The following BRWD3 variants were observed in gnomAD, a reference collection of about 807,000 sequenced individuals.
BRWD3 encodes bromodomain and WD repeat domain containing 3.
Under a neutral mutation model 149.7 loss-of-function variants are expected in BRWD3, and 10 were observed. The ratio of observed to expected loss-of-function variants is 0.07; its 90% CI spans 0.04 to 0.11. BRWD3 has a LOEUF of 0.11. Among genes scored for constraint, BRWD3 ranks in the 10% least tolerant of loss-of-function variants. The pLI is 1.00. For missense variants in BRWD3, 940 were observed against 1,373.2 expected, an observed-to-expected ratio of 0.68 and a Z score of 4.99; for synonymous variants, 504 against 456.7, an observed-to-expected ratio of 1.10 and a Z score of -1.32.
intron 6 of BRWD3, among the ~76,000 whole-genome samples, chrX:80,784,564 T>G (rs1050877496): frequency 9.0e-6 from 1 of 110,586 alleles, no homozygotes; most frequent in African/African-American, 3.3e-5. Context: ...GAGGCCCTGG[T>G]GTGTGTTGTT....
chrX:80,777,883 C>CTAAA (rs1316627929), intron 6 of BRWD3, among the ~76,000 whole-genome samples: 2 of 111,274 alleles, frequency 1.8e-5, no homozygotes, highest in East Asian at 5.6e-4. Flanking sequence ...AATTCCTGGG[C>CTAAA]TAAATGGGTC....
chrX:80,679,520 G>A (rs749274646), intron 40 of BRWD3, among the ~76,000 whole-genome samples: 1 of 112,035 alleles, frequency 8.9e-6, no homozygotes, highest in South Asian at 3.7e-4. Context: ...CATTTGGAGA[G>A]TCATCACATC....
chrX:80,800,428 G>C (rs1400880052), intron 4 of BRWD3, among the ~76,000 whole-genome samples: 1 of 106,356 alleles, frequency 9.4e-6, no homozygotes, highest in Non-Finnish European at 1.9e-5. Flanking sequence ...TGTAGTCCCA[G>C]CTATCAGAGG....
At chrX:80,726,327 C>T (rs950791795) in intron 14 of BRWD3, among the ~76,000 whole-genome samples, 6 of 98,411 alleles carry the variant, frequency 6.1e-5, no homozygotes, top group Non-Finnish European at 1.3e-4. Context: ...TAACATATAA[C>T]ATGTTTACAT....
intron 27 of BRWD3, among the ~76,000 whole-genome samples, chrX:80,694,843 A>C (rs1267896861): frequency 9.0e-6 from 1 of 111,279 alleles, no homozygotes; most frequent in Non-Finnish European, 1.9e-5. Context: ...GCCTTGTCTC[A>C]GATGATACTT....
At chrX:80,741,627 C>G (rs1296969079) in intron 8 of BRWD3, among the ~76,000 whole-genome samples, 2 of 111,893 alleles carry the variant, frequency 1.8e-5, no homozygotes, top group Admixed American at 1.9e-4. Context: ...TGGTATCTCA[C>G]TGTGGTTTTG....
chrX:80,771,263 A>C (rs1257663673), intron 6 of BRWD3, among the ~76,000 whole-genome samples: 1 of 111,669 alleles, frequency 9.0e-6, no homozygotes, highest in Non-Finnish European at 1.9e-5. Flanking sequence ...TAAAGTTCAT[A>C]CGGAACCAAA....
At chrX:80,747,765 T>C (rs190181312) in intron 6 of BRWD3, among the ~76,000 whole-genome samples, 56 of 112,035 alleles carry the variant, frequency 5.0e-4, no homozygotes, top group Non-Finnish European at 9.8e-4. Flanking sequence ...CAATGTAGAT[T>C]GTCAAGTTCA....
At chrX:80,769,461 T>C (rs1223720069) in intron 6 of BRWD3, among the ~76,000 whole-genome samples, 1 of 111,232 alleles carries the variant, frequency 9.0e-6, no homozygotes, top group East Asian at 2.8e-4. Flanking sequence ...CAAAACTACA[T>C]GGAAACTGAA....
intron 20 of BRWD3, among the ~76,000 whole-genome samples, chrX:80,714,830 G>A (rs1350170956): frequency 8.9e-6 from 1 of 112,263 alleles, no homozygotes; most frequent in East Asian, 2.8e-4. Context: ...GGACAATATA[G>A]AAGAAGAGAA....
At chrX:80,769,232 A>C (rs1047039736) in intron 6 of BRWD3, among the ~76,000 whole-genome samples, 52 of 111,421 alleles carry the variant, frequency 4.7e-4, no homozygotes, top group African/African-American at 1.7e-3. Context: ...CAGCTCTGCA[A>C]CAAGCAGACC....
intron 6 of BRWD3, among the ~76,000 whole-genome samples, chrX:80,779,671 C>T (rs1339849437): frequency 9.0e-6 from 1 of 111,643 alleles, no homozygotes; most frequent in Non-Finnish European, 1.9e-5. Context: ...TTAATATAGA[C>T]TAAAATCTTG....
chrX:80,776,994 G>A (rs936884532), intron 6 of BRWD3, among the ~76,000 whole-genome samples: 7 of 109,801 alleles, frequency 6.4e-5, no homozygotes, highest in African/African-American at 1.3e-4. Context: ...GAGTTTACTC[G>A]CTCACTATAC....
chrX:80,794,429 C>G (rs1391233053), intron 4 of BRWD3, among the ~76,000 whole-genome samples: 1 of 108,693 alleles, frequency 9.2e-6, no homozygotes, highest in African/African-American at 3.3e-5. Context: ...CACTTGAGCC[C>G]CAGAGGCAGA....
At chrX:80,701,525 G>C (rs1352384275) in intron 24 of BRWD3, among the ~76,000 whole-genome samples, 11 of 85,665 alleles carry the variant, frequency 1.3e-4, no homozygotes, top group African/African-American at 4.9e-4. Flanking sequence ...CTCTAGCCTG[G>C]GCAACAGAGC....
intron 4 of BRWD3, among the ~76,000 whole-genome samples, chrX:80,795,062 A>G (rs1316013670): frequency 2.7e-5 from 3 of 111,653 alleles, no homozygotes; most frequent in Non-Finnish European, 3.8e-5. Context: ...CCTTGAAACA[A>G]AAACTTGTTT....
intron 4 of BRWD3, among the ~76,000 whole-genome samples, chrX:80,806,678 T>C (rs886930673): frequency 1.8e-5 from 2 of 112,366 alleles, no homozygotes; most frequent in Non-Finnish European, 1.9e-5. Context: ...GCTCAAATGC[T>C]CAACTGGAAG....
intron 12 of BRWD3, 66 bp from the exon 13 acceptor site, chrX:80,730,086 T>C: frequency 1.3e-6 from 1 of 764,504 alleles, no homozygotes; most frequent in Non-Finnish European, 2.0e-6. Context: ...TTTGATAATA[T>C]AAGTAACACA....
chrX:80,794,528 A>AAT (rs1021228213), intron 4 of BRWD3, among the ~76,000 whole-genome samples: 5 of 108,248 alleles, frequency 4.6e-5, no homozygotes, highest in South Asian at 3.9e-4. Context: ...TAAATAAAAA[A>AAT]ATATATATAT....
Sources: gnomAD v4.1 joint callset for allele counts (sites outside exome capture counted in the v4.1 genomes callset) on GRCh38, gnomAD v4.1.1 for gene constraint, MANE v1.5 for transcripts, NCBI Gene and HGNC (gene_info 2026-07-23, HGNC 2026-07-21) for gene names.